The following SEC14L2 variants were observed in gnomAD, a reference collection of about 807,000 sequenced individuals.
SEC14L2 encodes SEC14 like lipid binding 2.
Under a neutral mutation model 56.9 loss-of-function variants are expected in SEC14L2, and 50 were observed. The observed-to-expected ratio is 0.88, with a 90% CI of 0.70 to 1.11. SEC14L2 has a LOEUF of 1.11. Among genes scored for constraint, SEC14L2 ranks in the 50% most tolerant of loss-of-function variants. The pLI is 0.00. For synonymous variants in SEC14L2, 179 were observed against 188.5 expected, an observed-to-expected ratio of 0.95 and a Z score of 0.41; for missense variants, 414 against 500.7, an observed-to-expected ratio of 0.83 and a Z score of 1.65.
At chr22:30,402,435 AC>A (rs889624915) in intron 2 of SEC14L2, among the ~76,000 whole-genome samples, 2 of 151,898 alleles carry the variant, frequency 1.3e-5, no homozygotes, top group African/African-American at 4.8e-5. Context: ...GGCACACCCT[AC>A]CCCCTCACAG....
chr22:30,406,988 G>C (rs770776275), intron 3 of SEC14L2, 107 bp from the exon 4 acceptor site: 41 of 1,064,366 alleles, frequency 3.9e-5, no homozygotes, highest in Non-Finnish European at 5.5e-5. Context: ...CTGGCCTCAA[G>C]TGATCCACCC....
intron 2 of SEC14L2, among the ~76,000 whole-genome samples, chr22:30,402,740 GTTT>G (rs5844904): frequency 2.8e-5 from 4 of 143,632 alleles, no homozygotes; most frequent in African/African-American, 1.0e-4. Context: ...TCTCAATTGG[GTTT>G]TTTTTTTTTG....
At chr22:30,400,918 AAAAAAG>A (rs1242576823) in intron 2 of SEC14L2, among the ~76,000 whole-genome samples, 1,465 of 144,654 alleles carry the variant, frequency 0.01, 87 homozygotes, top group African/African-American at 0.036. Context: ...AAAAAAAAAA[AAAAAAG>A]AAGGTTACCT....
At chr22:30,407,711 G>GA in intron 5 of SEC14L2, 108 bp downstream of exon 5, 1 of 858,266 alleles carries the variant, frequency 1.2e-6, no homozygotes, top group Non-Finnish European at 1.6e-6. Context: ...CCAAGGCCCA[G>GA]CCTTTTTTTT....
At position 30,409,458 on chromosome 22, in the gene SEC14L2, A is replaced by G; in HGVS notation, c.552A>G (p.Glu184=). Residue 184 remains glutamate (E), a synonymous_variant, in exon 7 of 12, where the codon GAA becomes GAG. Coordinates refer to ENST00000615189, the MANE Select transcript of SEC14L2 (RefSeq NM_012429.5). Reference sequence around the variant, plus strand: ...GCATGTTTGAGGAAAATTATCCCGAAACACTGAAGCGTCTTTTTGTTGTTA... The same window carrying G: ...GCATGTTTGAGGAAAATTATCCCGAGACACTGAAGCGTCTTTTTGTTGTTA... ...FLCMFEENYP[E]TLKRLFVVKA... is the part of the protein sequence containing the mutation. 2 of 1,614,206 alleles carry G rather than the reference A, an allele frequency of 1.2e-6. No homozygotes were observed. Among genetic ancestry groups the G allele is most frequent in the Non-Finnish European group, 1.7e-6 (2 of 1,180,032 alleles).
chr22:30,399,989 A>G (rs1424494266), intron 2 of SEC14L2, among the ~76,000 whole-genome samples: 1 of 152,252 alleles, frequency 6.6e-6, no homozygotes, highest in African/African-American at 2.4e-5. Flanking sequence ...CCCTTGGCCC[A>G]CAGCCTTTTC....
Position 30,415,823 on chromosome 22 carries a change from C to T in SEC14L2, c.729C>T (p.Gly243=). 1.2e-6 allele frequency: 2 copies of T among 1,614,122 alleles called. No homozygotes were observed. The highest frequency in any genetic ancestry group is 1.7e-6 in the Non-Finnish European group (2 of 1,180,040). ...ACCAGGTGCCTGTGGAGTATGGGGG[C>T]ACCATGACTGACCCTGATGGAAACC... ...SPDQVPVEYG[G]TMTDPDGNPK... Residue 243 remains glycine (G), a synonymous_variant, in exon 9 of 12, where the codon GGC becomes GGT. Transcript: ENST00000615189.
rs1253600197 is a variant in SEC14L2, at chr22:30,424,858, T to G, written c.*2451T>G. ...GAAGGCTTCCTCCTGTTGTAATCAC[T>G]AACCCCAACTCTGTCTCCCTTGCCC... On this transcript the variant is annotated 3_prime_UTR_variant, in exon 12 of 12. Transcript: ENST00000615189. The G allele has an allele frequency of 2.2e-6, 1 of 456,264 alleles. No individual in the cohort carries two copies. 28.3% of individuals were successfully genotyped at this position (456,264 alleles called of 1,614,324 possible).
rs1042931158 is a variant in SEC14L2, at chr22:30,424,431, AAGCGGGGGCCTCCGTAGGGAGCC to A, written c.*2037_*2059del. ...ACAAGACAGAGGCGCCTAGGGCTGA[AAGCGGGGGCCTCCGTAGGGAGCC>A]AGCGGGGGCCTCAATAGTTACTCAT... On this transcript the variant is annotated 3_prime_UTR_variant, in exon 12 of 12. Coordinates refer to ENST00000615189, the MANE Select transcript of SEC14L2 (RefSeq NM_012429.5). 2.6e-5 allele frequency: 9 copies of A among 340,364 alleles called. No homozygotes were observed. Among genetic ancestry groups the A allele is most frequent in the South Asian group, 1.2e-4 (5 of 43,246 alleles). 21.1% of individuals were successfully genotyped at this position (340,364 alleles called of 1,614,324 possible).
chr22:30,406,423 T>A (rs771124678), intron 3 of SEC14L2, 38 bp downstream of exon 3: 1 of 1,607,648 alleles, frequency 6.2e-7, no homozygotes, highest in Non-Finnish European at 8.5e-7. Context: ...TTCCTCCCCA[T>A]CAGAATCACT....
intron 11 of SEC14L2, among the ~76,000 whole-genome samples, chr22:30,419,917 A>G (rs1934471482): frequency 6.6e-6 from 1 of 151,966 alleles, no homozygotes; most frequent in Admixed American, 6.5e-5. Flanking sequence ...GGCTCCAGGA[A>G]ATCTAAAATT....
chr22:30,408,518 G>A (rs1288824846), intron 5 of SEC14L2, among the ~76,000 whole-genome samples: 1 of 152,128 alleles, frequency 6.6e-6, no homozygotes, highest in Admixed American at 6.6e-5. Context: ...TTGGGAAGTC[G>A]AGGCTGCAGT....
chr22:30,413,253 C>T (rs1222946239), intron 8 of SEC14L2, among the ~76,000 whole-genome samples: 1 of 152,070 alleles, frequency 6.6e-6, no homozygotes, highest in Non-Finnish European at 1.5e-5. Flanking sequence ...ATGAGGTTGG[C>T]AGAGAAGCAA....
intron 1 of SEC14L2, chr22:30,397,867 G>T (rs925489647): frequency 2.1e-5 from 10 of 471,148 alleles, no homozygotes; most frequent in African/African-American, 2.0e-4. Context: ...CAGAAGGCAA[G>T]AAGGTGAGCC....
At position 30,397,018 on chromosome 22, in the gene SEC14L2, G is replaced by C; in HGVS notation, c.-99G>C. On this transcript the variant is annotated 5_prime_UTR_variant, in exon 1 of 12. Transcript: ENST00000615189. ...CTCCGCGGCCCGGGCAAAAGGCTGG[G>C]ACTTTACTCCGGGTGGCGGCGAGGA... 8.7e-7 allele frequency: 1 copy of C among 1,144,020 alleles called. No homozygotes were observed. Among genetic ancestry groups the C allele is most frequent in the South Asian group, 1.3e-5 (1 of 75,374 alleles). 70.9% of individuals were successfully genotyped at this position (1,144,020 alleles called of 1,614,324 possible). A position where few individuals can be genotyped will look rare whatever the true frequency, so the allele number is the denominator to read the frequency against.
Position 30,425,026 on chromosome 22 carries a change from A to T in SEC14L2, c.*2619A>T. Reference sequence around the variant, plus strand: ...AAGGGACTCCAGAGTCCAGGCACCTACCTCCCAGGGGCTCACCGTTCACTC... The same window carrying T: ...AAGGGACTCCAGAGTCCAGGCACCTTCCTCCCAGGGGCTCACCGTTCACTC... On this transcript the variant is annotated 3_prime_UTR_variant, in exon 12 of 12. Coordinates refer to ENST00000615189, the MANE Select transcript of SEC14L2 (RefSeq NM_012429.5). 1 of 349,556 alleles carries T rather than the reference A, an allele frequency of 2.9e-6. No individual in the cohort carries two copies. The highest frequency in any genetic ancestry group is 3.8e-5 in the Admixed American group (1 of 26,042). The allele number at this position is 349,556 out of a possible 1,614,324, so 21.7% of individuals were successfully genotyped here. A position where few individuals can be genotyped will look rare whatever the true frequency, so the allele number is the denominator to read the frequency against.
chr22:30,421,172 CACA>C, intron 11 of SEC14L2: 2 of 151,664 alleles, frequency 1.3e-5, no homozygotes, highest in African/African-American at 4.8e-5. Context: ...CAAACACACA[CACA>C]CACACACACA....
intron 7 of SEC14L2, 128 bp from the exon 8 acceptor site, chr22:30,410,468 G>T (rs1395520903): frequency 1.2e-6 from 1 of 826,070 alleles, no homozygotes; most frequent in Non-Finnish European, 2.0e-6. Flanking sequence ...GCCTATGTGG[G>T]CTCCAGAGCC....
At chr22:30,408,167 C>T (rs185531917) in intron 5 of SEC14L2, among the ~76,000 whole-genome samples, 46 of 151,514 alleles carry the variant, frequency 3.0e-4, no homozygotes, top group African/African-American at 1.0e-3. Flanking sequence ...AAACTCACTA[C>T]ATTATTGTTA....
Sources: gnomAD v4.1 joint callset for allele counts (sites outside exome capture counted in the v4.1 genomes callset) on GRCh38, gnomAD v4.1.1 for gene constraint, MANE v1.5 for transcripts, NCBI Gene and HGNC (gene_info 2026-07-23, HGNC 2026-07-21) for gene names.